ITPR2: variants seen among roughly 807,000 people sequenced by gnomAD.
The protein encoded by ITPR2 is inositol 1,4,5-trisphosphate receptor type 2, also known as inositol 1,4,5-trisphosphate-gated calcium channel ITPR2.
A neutral mutation model predicts 317.1 loss-of-function variants in ITPR2; 207 were observed. That is an observed-to-expected ratio of 0.65 (90% confidence interval 0.58 to 0.73). The LOEUF (loss-of-function observed/expected upper bound fraction) is 0.73. ITPR2 is among the 30% of genes least tolerant of loss of function. The pLI, the probability that ITPR2 is intolerant of heterozygous loss-of-function variation, is 0.00. For synonymous variants in ITPR2, 1,156 were observed against 1,149.1 expected (o/e 1.01, Z -0.12); for missense variants, 2,613 against 3,284.0 (o/e 0.80, Z 4.99).
intron 26 of ITPR2, among the ~76,000 whole-genome samples, chr12:26,618,100 A>G (rs1019331229): frequency 2.0e-5 from 3 of 152,206 alleles, no homozygotes; most frequent in African/African-American, 4.8e-5. Flanking sequence ...GTGCTCCTCC[A>G]TAAAGGGTAT....
At chr12:26,583,491 C>T (rs1470178833) in intron 32 of ITPR2, among the ~76,000 whole-genome samples, 1 of 151,764 alleles carries the variant, frequency 6.6e-6, no homozygotes, top group Non-Finnish European at 1.5e-5. Context: ...TTGTTCATTA[C>T]TATTTATTAA....
chr12:26,444,031 A>C (rs549655011), intron 45 of ITPR2, among the ~76,000 whole-genome samples: 1 of 152,296 alleles, frequency 6.6e-6, no homozygotes, highest in South Asian at 2.1e-4. Flanking sequence ...TCCTATACAC[A>C]CATAAATAGG....
chr12:26,501,770 TA>T (rs1198712088), intron 37 of ITPR2, among the ~76,000 whole-genome samples: 1 of 152,252 alleles, frequency 6.6e-6, no homozygotes, highest in African/African-American at 2.4e-5. Context: ...AGACATTTAT[TA>T]CATTTCTACC....
In ITPR2 at chr12:26,494,357, T is replaced by C. The variant is rs753607233; in HGVS notation, c.5183-17A>G. The C allele has an allele frequency of 5.2e-6, 8 of 1,542,390 alleles. No homozygotes were observed. In the East Asian group the frequency reaches 1.4e-4, roughly 27 times the overall value. ...AAAAGCTTCCTGTGATTGGGAAAAATAAATAAATAAACCTTAATTGTAGAC... is the reference window on the plus strand; with the variant it reads ...AAAAGCTTCCTGTGATTGGGAAAAACAAATAAATAAACCTTAATTGTAGAC... On this transcript the variant is annotated splice_polypyrimidine_tract_variant and intron_variant, in intron 38 of 56. Transcript: ENST00000381340.
At chr12:26,713,224 C>T (rs895108937) in intron 8 of ITPR2, among the ~76,000 whole-genome samples, 2 of 152,292 alleles carry the variant, frequency 1.3e-5, no homozygotes, top group African/African-American at 2.4e-5. Context: ...ATGTCCCCCA[C>T]TCCACATTTC....
chr12:26,613,601 A>G (rs1437099658), intron 26 of ITPR2, among the ~76,000 whole-genome samples: 3 of 151,834 alleles, frequency 2.0e-5, no homozygotes, highest in African/African-American at 7.3e-5. Context: ...GCAAAAAGGA[A>G]ACAAAATCCA....
intron 2 of ITPR2, among the ~76,000 whole-genome samples, chr12:26,772,425 ATATATAATACATGTAT>A (rs1565751767): frequency 2.3e-5 from 3 of 131,324 alleles, no homozygotes; most frequent in South Asian, 2.2e-4. Context: ...TATATATATT[ATATATAATACATGTAT>A]TATATATATT....
intron 34 of ITPR2, among the ~76,000 whole-genome samples, chr12:26,569,844 T>G (rs1945111551): frequency 6.6e-6 from 1 of 152,198 alleles, no homozygotes; most frequent in South Asian, 2.1e-4. Context: ...CCTACATTGC[T>G]GGTGGAGTGT....
At chr12:26,580,844 T>C (rs930310402) in intron 32 of ITPR2, among the ~76,000 whole-genome samples, 2 of 152,182 alleles carry the variant, frequency 1.3e-5, no homozygotes, top group East Asian at 1.9e-4. Flanking sequence ...GAGGCAGTAA[T>C]TGGTCATTTT....
chr12:26,678,985 C>T (rs1404176693), intron 13 of ITPR2, among the ~76,000 whole-genome samples: 1 of 152,186 alleles, frequency 6.6e-6, no homozygotes, highest in Non-Finnish European at 1.5e-5. Flanking sequence ...AAGTAAATTG[C>T]TGTGCATATC....
intron 1 of ITPR2, among the ~76,000 whole-genome samples, chr12:26,792,357 T>C (rs1950356380): frequency 6.6e-6 from 1 of 151,580 alleles, no homozygotes; most frequent in African/African-American, 2.4e-5. Context: ...TCACTGGCAT[T>C]AAAAGTCAAA....
intron 35 of ITPR2, among the ~76,000 whole-genome samples, chr12:26,558,209 T>C (rs1249999213): frequency 6.6e-6 from 1 of 152,220 alleles, no homozygotes; most frequent in Non-Finnish European, 1.5e-5. Flanking sequence ...TAATTAAATG[T>C]CCCTGTTGTT....
chr12:26,379,326 T>C (rs965032219), intron 55 of ITPR2, among the ~76,000 whole-genome samples: 3 of 152,238 alleles, frequency 2.0e-5, no homozygotes, highest in Non-Finnish European at 4.4e-5. Flanking sequence ...GGATAAGTAG[T>C]CAACACTTAC....
In ITPR2 at chr12:26,831,683, T is replaced by TATATATTTATATAA; in HGVS notation, c.92+1006_92+1007insTTATATAAATATAT. Among the ~76,000 whole-genome samples, 1 of 146,852 alleles carries TATATATTTATATAA rather than the reference T, an allele frequency of 6.8e-6. No homozygotes were observed. The highest frequency in any genetic ancestry group is 1.5e-5 in the Non-Finnish European group (1 of 66,846). On this transcript the variant is annotated intron_variant, in intron 1 of 56. Transcript: ENST00000381340. This position sits in a 1 kb window ranked among gnomAD's most constrained non-coding sequence, Gnocchi z 4.9. ...TGGCACACTGTTTTATATATAAATA[T>TATATATTTATATAA]ATATATATATTCTACATAAAATATA...
chr12:26,768,586 A>C (rs12829864), intron 2 of ITPR2, among the ~76,000 whole-genome samples: 4 of 127,280 alleles, frequency 3.1e-5, no homozygotes, highest in South Asian at 2.4e-4. Flanking sequence ...AAAAAAAAAA[A>C]AAAAAAAAAA....
rs564581956 is a variant in ITPR2 at position 26,419,292 on chromosome 12, C to T, written c.6946-79G>A. 11 of 1,283,884 alleles carry T rather than the reference C, an allele frequency of 8.6e-6. No individual in the cohort carries two copies. The South Asian group carries it at 1.2e-4, about 15-fold the overall frequency. The allele number at this position is 1,283,884 out of a possible 1,614,324, so 79.5% of individuals were successfully genotyped here. The stretch of plus-strand genomic sequence containing the variant: ...TGGATGAAAACTACTATTCATAGTC[C>T]ATGACTTTTTGACATGGATGAAACA... On this transcript the variant is annotated intron_variant, in intron 49 of 56. Coordinates refer to ENST00000381340, the MANE Select transcript of ITPR2 (RefSeq NM_002223.4).
At chr12:26,672,309 T>C (rs557809646) in intron 13 of ITPR2, among the ~76,000 whole-genome samples, 4,090 of 152,004 alleles carry the variant, frequency 0.027, 55 homozygotes, top group Middle Eastern at 0.068. Context: ...AGTAAAGCTC[T>C]CCTCAGCAAA....
chr12:26,429,949 T>A (rs139978559), intron 48 of ITPR2, among the ~76,000 whole-genome samples: 3,137 of 152,348 alleles, frequency 0.021, 30 homozygotes, highest in African/African-American at 0.027. Flanking sequence ...TAATTTCTGA[T>A]AAACTATTCA....
chr12:26,718,974 T>A (rs1948788479), intron 5 of ITPR2, among the ~76,000 whole-genome samples: 1 of 152,134 alleles, frequency 6.6e-6, no homozygotes, highest in African/African-American at 2.4e-5. Flanking sequence ...TGAAACAGCT[T>A]CCAGTGGTTC....
Sources: allele counts gnomAD v4.1 joint callset (sites outside exome capture counted in the v4.1 genomes callset), GRCh38; gene constraint gnomAD v4.1.1; non-coding constraint Gnocchi (gnomAD v3.1); transcripts MANE v1.5; gene names NCBI Gene and HGNC (gene_info 2026-07-23, HGNC 2026-07-21).